CHST9: variants seen among roughly 807,000 people sequenced by gnomAD.
CHST9 encodes the protein GalNAc-4-sulfotransferase 2.
Under a neutral mutation model 44.4 loss-of-function variants are expected in CHST9, and 41 were observed. The observed-to-expected ratio is 0.92, with a 90% CI of 0.72 to 1.20. The LOEUF (loss-of-function observed/expected upper bound fraction) is 1.20, where lower values mean the gene tolerates loss of function less well. Ranked by LOEUF, CHST9 falls within the 50% of genes most tolerant of loss-of-function variation. The probability of loss-of-function intolerance (pLI) is 0.00; values close to 1 mark genes in which losing one functional copy is unlikely to be tolerated. For synonymous variants in CHST9, 171 were observed against 178.4 expected (o/e 0.96, Z 0.33); for missense variants, 504 against 516.5 (o/e 0.98, Z 0.23).
rs1568089124 is a variant in CHST9 at position 26,916,905 on chromosome 18, CT to C, written c.685del (p.Arg229GlufsTer3). The C allele has an allele frequency of 6.2e-7, 1 of 1,613,874 alleles. No individual in the cohort carries two copies. The stretch of plus-strand genomic sequence containing the variant: ...CAATCCATTTAGTACCATCAGAATT[CT>C]TTTCCAATTGGAACAGCCAGCCTTA... ...VPKAGCSNWKRILMVLNGLAS... is the reference protein window; with the variant it reads ...VPKAGCSNWKXILMVLNGLAS... On this transcript the variant is annotated frameshift_variant, in exon 6 of 6. Coordinates refer to ENST00000618847, the MANE Select transcript of CHST9 (RefSeq NM_031422.6). LOFTEE classifies it high-confidence loss of function.
intron 4 of CHST9, among the ~76,000 whole-genome samples, chr18:26,964,341 C>T (rs577007159): frequency 6.6e-6 from 1 of 152,292 alleles, no homozygotes; most frequent in South Asian, 2.1e-4. Flanking sequence ...CTCAACCGCC[C>T]ACCTGTTTTA....
At chr18:27,005,874 G>C (rs901930555) in intron 4 of CHST9, among the ~76,000 whole-genome samples, 2 of 152,164 alleles carry the variant, frequency 1.3e-5, no homozygotes, top group African/African-American at 4.8e-5. Flanking sequence ...ATGTAAGCAT[G>C]TTGAATTTCT....
intron 4 of CHST9, among the ~76,000 whole-genome samples, chr18:26,959,510 T>C (rs1380558850): frequency 6.6e-6 from 1 of 152,156 alleles, no homozygotes. Flanking sequence ...AAAGGATTCA[T>C]GTTTGGTGTG....
intron 4 of CHST9, among the ~76,000 whole-genome samples, chr18:26,952,937 T>C (rs77589087): frequency 0.013 from 2,036 of 152,214 alleles, 58 homozygotes; most frequent in African/African-American, 0.047. Context: ...ACCAATATGA[T>C]TGGTCTTGGG....
intron 2 of CHST9, among the ~76,000 whole-genome samples, chr18:27,077,088 T>G (rs1015582406): frequency 1.3e-5 from 2 of 152,228 alleles, no homozygotes; most frequent in Non-Finnish European, 2.9e-5. Context: ...ACATGGTTCA[T>G]TTAACCCACC....
At chr18:27,165,982 C>T (rs893613090) in intron 1 of CHST9, among the ~76,000 whole-genome samples, 2 of 152,152 alleles carry the variant, frequency 1.3e-5, no homozygotes, top group Non-Finnish European at 2.9e-5. Context: ...CCCTTTGTGG[C>T]ATTTTACCTG....
chr18:26,984,003 C>T (rs2056724698), intron 4 of CHST9, among the ~76,000 whole-genome samples: 1 of 152,138 alleles, frequency 6.6e-6, no homozygotes, highest in Non-Finnish European at 1.5e-5. Flanking sequence ...GTTTTCAACC[C>T]CTTTACCAGC....
At chr18:27,059,542 A>G (rs958948091) in intron 2 of CHST9, among the ~76,000 whole-genome samples, 1 of 152,236 alleles carries the variant, frequency 6.6e-6, no homozygotes, top group African/African-American at 2.4e-5. Flanking sequence ...TATGAGTCCA[A>G]ACAGAATCTA....
intron 4 of CHST9, among the ~76,000 whole-genome samples, chr18:27,014,894 C>T (rs1005772845): frequency 1.3e-5 from 2 of 152,106 alleles, no homozygotes; most frequent in African/African-American, 4.8e-5. Context: ...CTTTTAGGGT[C>T]TCTCTCTTTT....
In CHST9 at chr18:27,058,851, TATC is replaced by T. The variant is rs2057688669; in HGVS notation, c.122-10351_122-10349del. ...AACTGCAAGCAAAATATCATTTTTA[TATC>T]ATTAGGTTTTGTCATACTTGGTTAC... On this transcript the variant is annotated intron_variant, in intron 2 of 5. Transcript: ENST00000618847. Among the ~76,000 whole-genome samples, 3 of 152,218 alleles carry T rather than the reference TATC, an allele frequency of 2.0e-5. No individual in the cohort carries two copies. In the South Asian group the frequency reaches 6.2e-4, roughly 32 times the overall value.
chr18:26,936,917 G>T (rs143241163), intron 5 of CHST9, among the ~76,000 whole-genome samples: 60 of 151,996 alleles, frequency 3.9e-4, no homozygotes, highest in African/African-American at 1.4e-3. Context: ...TTTTCAGTAC[G>T]GAGTTTCAGT....
intron 5 of CHST9, among the ~76,000 whole-genome samples, chr18:26,944,014 T>A (rs1443789189): frequency 6.6e-6 from 1 of 152,180 alleles, no homozygotes; most frequent in Non-Finnish European, 1.5e-5. Flanking sequence ...ATCTATTTGC[T>A]GCCATGATAG....
At chr18:27,051,719 G>A (rs2057569352) in intron 2 of CHST9, among the ~76,000 whole-genome samples, 1 of 152,150 alleles carries the variant, frequency 6.6e-6, no homozygotes, top group Admixed American at 6.5e-5. Flanking sequence ...GAACCATCCA[G>A]TTGGCTATTC....
At position 26,916,912 on chromosome 18, in the gene CHST9, A is replaced by C; in HGVS notation, c.679T>G (p.Trp227Gly). The C allele has an allele frequency of 6.2e-7, 1 of 1,613,868 alleles. No homozygotes were observed. The change falls in exon 6 of 6, where the codon TGG becomes GGG. Residue 227 changes from tryptophan (W) to glycine (G), a missense_variant. Coordinates refer to ENST00000618847, the MANE Select transcript of CHST9 (RefSeq NM_031422.6). The stretch of plus-strand genomic sequence containing the variant: ...TTTAGTACCATCAGAATTCTTTTCC[A>C]ATTGGAACAGCCAGCCTTAGGTACC... ...CEVPKAGCSN[W>G]KRILMVLNGL...
intron 2 of CHST9, among the ~76,000 whole-genome samples, chr18:27,075,721 CT>C (rs144475421): frequency 0.13 from 19,658 of 152,140 alleles, 1,420 homozygotes; most frequent in Middle Eastern, 0.22. Flanking sequence ...CTTCTTACAT[CT>C]CCTATTAGAC....
At chr18:27,019,486 C>T (rs2057194502) in intron 4 of CHST9, among the ~76,000 whole-genome samples, 1 of 152,048 alleles carries the variant, frequency 6.6e-6, no homozygotes, top group Non-Finnish European at 1.5e-5. Context: ...TCTCCACTTA[C>T]AAAATAGAGG....
At position 27,123,295 on chromosome 18, in the gene CHST9, T is replaced by A. The variant is rs527391219; in HGVS notation, c.121+19394A>T. Reference sequence around the variant, plus strand: ...CCTCCATACACCCATACTCTGACAGTTATGTTTTGGCTCTCCCAAAAGTAG... The same window carrying A: ...CCTCCATACACCCATACTCTGACAGATATGTTTTGGCTCTCCCAAAAGTAG... On this transcript the variant is annotated intron_variant, in intron 2 of 5. Transcript: ENST00000618847. 1.2e-4 allele frequency among the ~76,000 whole-genome samples: 19 copies of A among 152,198 alleles called. No homozygotes were observed. In the South Asian group the frequency reaches 2.5e-3, roughly 20 times the overall value.
At chr18:26,954,970 T>G (rs966675029) in intron 4 of CHST9, among the ~76,000 whole-genome samples, 1 of 152,104 alleles carries the variant, frequency 6.6e-6, no homozygotes. Flanking sequence ...TATATTGATC[T>G]CAGTGGGTGA....
At chr18:27,062,552 G>A (rs1217340985) in intron 2 of CHST9, among the ~76,000 whole-genome samples, 5 of 152,134 alleles carry the variant, frequency 3.3e-5, no homozygotes, top group Admixed American at 3.3e-4. Flanking sequence ...TTCTTATCCA[G>A]TCTATCATTG....
Sources: allele counts gnomAD v4.1 joint callset (sites outside exome capture counted in the v4.1 genomes callset), GRCh38; gene constraint gnomAD v4.1.1; transcripts MANE v1.5; gene names NCBI Gene and HGNC (gene_info 2026-07-23, HGNC 2026-07-21).